Variants in YAP1 observed in about 807,000 individuals in gnomAD.
The protein encoded by YAP1 is Yes1 associated transcriptional regulator.
A neutral mutation model predicts 56.9 loss-of-function variants in YAP1; 5 were observed. The ratio of observed to expected loss-of-function variants is 0.09; its 90% CI spans 0.05 to 0.18. YAP1 has a LOEUF of 0.18. Among genes scored for constraint, YAP1 ranks in the 10% least tolerant of loss-of-function variants. YAP1 has a pLI of 1.00. For synonymous variants in YAP1, 265 were observed against 248.1 expected (o/e 1.07, Z -0.64); for missense variants, 539 against 651.8 (o/e 0.83, Z 1.88).
chr11:102,117,300 G>C (rs557491168), intron 2 of YAP1, among the ~76,000 whole-genome samples: 3 of 152,126 alleles, frequency 2.0e-5, no homozygotes, highest in Non-Finnish European at 4.4e-5. Flanking sequence ...GTAGAATGAA[G>C]ATTTAAATTA....
At position 102,209,542 on chromosome 11, in the gene YAP1, C is replaced by G. The variant is rs761333072; in HGVS notation, c.1010C>G (p.Thr337Arg). Reference protein sequence around the residue: ...RQAMRNINPSTANSPKCQELA... With the variant: ...RQAMRNINPSRANSPKCQELA... ...GCAATGCGGAATATCAATCCCAGCACAGCAAATTCTCCAAAATGTCAGGTA... is the reference window on the plus strand; with the variant it reads ...GCAATGCGGAATATCAATCCCAGCAGAGCAAATTCTCCAAAATGTCAGGTA... The change falls in exon 6 of 9, where the codon ACA (threonine) becomes AGA (arginine). Residue 337 changes from threonine (T) to arginine (R), a missense_variant. Thr to Arg is a moderately conservative substitution (Grantham distance 71, BLOSUM62 -1). This residue lies in a region of YAP1 where 414 missense variants were observed against 512.4 expected (regional missense o/e 0.81). Transcript: ENST00000282441. The G allele has an allele frequency of 6.3e-7, 1 of 1,596,040 alleles. No homozygotes were observed. Among genetic ancestry groups the G allele is most frequent in the African/African-American group, 1.4e-5 (1 of 72,796 alleles).
intron 4 of YAP1, among the ~76,000 whole-genome samples, chr11:102,194,843 A>G (rs1030825680): frequency 1.3e-5 from 2 of 152,240 alleles, no homozygotes; most frequent in African/African-American, 4.8e-5. Flanking sequence ...ATAAAGTGTT[A>G]TAATTGACCT....
chr11:102,213,986 G>C (rs1471320623), intron 6 of YAP1, among the ~76,000 whole-genome samples: 1 of 152,224 alleles, frequency 6.6e-6, no homozygotes, highest in Non-Finnish European at 1.5e-5. Flanking sequence ...GCTGAGGTGG[G>C]AGGATGGCCT....
At chr11:102,181,777 A>T (rs188927427) in intron 3 of YAP1, among the ~76,000 whole-genome samples, 15 of 152,254 alleles carry the variant, frequency 9.9e-5, no homozygotes, top group Admixed American at 7.8e-4. Context: ...TTTGAGAAAT[A>T]CTTCTGTACT....
At chr11:102,121,409 G>A (rs1226151113) in intron 2 of YAP1, among the ~76,000 whole-genome samples, 1 of 150,130 alleles carries the variant, frequency 6.7e-6, no homozygotes, top group Non-Finnish European at 1.5e-5. Flanking sequence ...CTTCAGCCCA[G>A]CCTGGGCAAT....
chr11:102,152,620 T>G (rs1945722726), intron 2 of YAP1, among the ~76,000 whole-genome samples: 1 of 152,240 alleles, frequency 6.6e-6, no homozygotes, highest in African/African-American at 2.4e-5. Flanking sequence ...CTGTGTGAGT[T>G]TGCCCTTCGA....
At chr11:102,182,389 A>G (rs532089004) in intron 3 of YAP1, among the ~76,000 whole-genome samples, 2 of 152,172 alleles carry the variant, frequency 1.3e-5, no homozygotes, top group Non-Finnish European at 2.9e-5. Context: ...CCTTGGACTT[A>G]ACCTTCCTGC....
At chr11:102,206,264 T>C (rs1022068915) in intron 5 of YAP1, among the ~76,000 whole-genome samples, 190 bp downstream of exon 5, 8 of 152,250 alleles carry the variant, frequency 5.3e-5, no homozygotes, top group Non-Finnish European at 8.8e-5. Context: ...TTGATCAAGT[T>C]ACAAGGGATG....
chr11:102,208,337 C>T (rs1178144831), intron 5 of YAP1, among the ~76,000 whole-genome samples: 1 of 152,126 alleles, frequency 6.6e-6, no homozygotes, highest in African/African-American at 2.4e-5. Context: ...CTTGCAATTT[C>T]CCCCATGCTT....
chr11:102,221,874 T>C (rs1949951257), intron 6 of YAP1, among the ~76,000 whole-genome samples: 1 of 152,132 alleles, frequency 6.6e-6, no homozygotes. Flanking sequence ...TGGTGAAAAG[T>C]TAGGTACAGT....
At chr11:102,138,485 CA>C in intron 2 of YAP1, among the ~76,000 whole-genome samples, 1 of 152,114 alleles carries the variant, frequency 6.6e-6, no homozygotes, top group Non-Finnish European at 1.5e-5. Context: ...GGGAACATTC[CA>C]AAAGGGGGAA....
At chr11:102,134,851 G>GGT (rs773319983) in intron 2 of YAP1, among the ~76,000 whole-genome samples, 82 of 152,216 alleles carry the variant, frequency 5.4e-4, no homozygotes, top group Non-Finnish European at 7.5e-4. Flanking sequence ...TGGGATTGCA[G>GGT]GTACATGCCA....
intron 5 of YAP1, among the ~76,000 whole-genome samples, chr11:102,208,425 G>C (rs996149140): frequency 6.6e-6 from 1 of 152,098 alleles, no homozygotes; most frequent in African/African-American, 2.4e-5. Context: ...CGAACCTTTA[G>C]AGGGTAGAGG....
chr11:102,208,159 C>T (rs1159098086), intron 5 of YAP1, among the ~76,000 whole-genome samples: 1 of 152,160 alleles, frequency 6.6e-6, no homozygotes, highest in Non-Finnish European at 1.5e-5. Flanking sequence ...ATTCAGTTTC[C>T]AAAGAGAATT....
intron 2 of YAP1, among the ~76,000 whole-genome samples, chr11:102,152,645 T>C (rs1945723717): frequency 6.6e-6 from 1 of 152,222 alleles, no homozygotes. Flanking sequence ...AGCAATTCTG[T>C]TATTTTTATT....
intron 2 of YAP1, among the ~76,000 whole-genome samples, chr11:102,143,047 C>A (rs1945109282): frequency 6.6e-6 from 1 of 152,162 alleles, no homozygotes; most frequent in Admixed American, 6.5e-5. Context: ...GTAACTTAAA[C>A]AGGTTCACCC....
chr11:102,205,106 C>T (rs919098871), intron 4 of YAP1, among the ~76,000 whole-genome samples: 1 of 152,070 alleles, frequency 6.6e-6, no homozygotes, highest in Non-Finnish European at 1.5e-5. Context: ...AGTATAAAAA[C>T]CCAGTCCATT....
intron 2 of YAP1, among the ~76,000 whole-genome samples, chr11:102,151,733 G>T (rs1473338897): frequency 6.6e-6 from 1 of 152,144 alleles, no homozygotes; most frequent in Non-Finnish European, 1.5e-5. Flanking sequence ...GTTTGGCTTA[G>T]GTTTAGTGCG....
chr11:102,112,551 T>G, intron 1 of YAP1: 1 of 983,958 alleles, frequency 1.0e-6, no homozygotes, highest in Non-Finnish European at 1.2e-6. Flanking sequence ...GTAACTTGAG[T>G]GGAAAGAAGA....
Sources: gnomAD v4.1 joint callset for allele counts (sites outside exome capture counted in the v4.1 genomes callset) on GRCh38, gnomAD v4.1.1 for gene constraint, gnomAD v4.1.1 regional missense constraint, MANE v1.5 for transcripts, NCBI Gene and HGNC (gene_info 2026-07-23, HGNC 2026-07-21) for gene names.